The following PIK3CG variants were observed in gnomAD, a reference collection of about 807,000 sequenced individuals.
The protein encoded by PIK3CG is phosphatidylinositol-4,5-bisphosphate 3-kinase catalytic subunit gamma.
Under a neutral mutation model 102.3 loss-of-function variants are expected in PIK3CG, and 55 were observed. The observed-to-expected ratio is 0.54, with a 90% CI of 0.43 to 0.67. The LOEUF (loss-of-function observed/expected upper bound fraction) is 0.67, where lower values mean the gene tolerates loss of function less well. PIK3CG is among the 30% of genes least tolerant of loss of function. PIK3CG has a pLI of 0.00. For missense variants in PIK3CG, 1,258 were observed against 1,391.8 expected, an observed-to-expected ratio of 0.90 and a Z score of 1.53; for synonymous variants, 552 against 540.0, an observed-to-expected ratio of 1.02 and a Z score of -0.31.
At position 106,872,982 on chromosome 7, in the gene PIK3CG, A is replaced by G; in HGVS notation, c.2287+44A>G. The G allele has an allele frequency of 1.5e-6, 2 of 1,300,724 alleles. No homozygotes were observed. The highest frequency in any genetic ancestry group is 2.3e-5 in the East Asian group (1 of 43,376). 80.6% of individuals were successfully genotyped at this position (1,300,724 alleles called of 1,614,324 possible). On this transcript the variant is annotated intron_variant, in intron 4 of 10. Transcript: ENST00000496166. This position sits in a 1 kb window ranked among gnomAD's most constrained non-coding sequence, Gnocchi z 5.3. ...CTGTGTTCTCTTTCCAAATGCCTTC[A>G]TCTCCAAATGCCATTGTTCCTATAA...
rs1791609578 is a variant in PIK3CG, at chr7:106,903,450, A to T, written c.3031-1659A>T. 6.6e-6 allele frequency among the ~76,000 whole-genome samples: 1 copy of T among 151,920 alleles called. No homozygotes were observed. The highest frequency in any genetic ancestry group is 1.5e-5 in the Non-Finnish European group (1 of 67,960). On this transcript the variant is annotated intron_variant, in intron 10 of 10. Coordinates refer to ENST00000496166, the MANE Select transcript of PIK3CG (RefSeq NM_001282426.2). This position sits in a 1 kb window ranked among gnomAD's most constrained non-coding sequence, Gnocchi z 4.3. ...ACTGACTCATTGCTCTTCAGAGATT[A>T]AAGTTTTATAATTTTTTAAGAGTAT...
At position 106,893,103 on chromosome 7, in the gene PIK3CG, A is replaced by G. The variant is rs1791307000; in HGVS notation, c.3030+6811A>G. 4.6e-5 allele frequency among the ~76,000 whole-genome samples: 7 copies of G among 152,032 alleles called. No homozygotes were observed. In the South Asian group the frequency reaches 1.5e-3, roughly 32 times the overall value. On this transcript the variant is annotated intron_variant, in intron 10 of 10. Transcript: ENST00000496166. The surrounding 1 kb of genome is among the most constrained non-coding windows in gnomAD (Gnocchi z 4.4). ...CATTCGATTAATCACAAATAACCAT[A>G]ATTAAGGTCTATTATAGGTCAAGCA... is the stretch of plus-strand genomic sequence containing the variant.
chr7:106,896,721 G>A (rs1340583796), intron 10 of PIK3CG, among the ~76,000 whole-genome samples: 1 of 152,190 alleles, frequency 6.6e-6, no homozygotes, highest in Non-Finnish European at 1.5e-5. Flanking sequence ...AGAGGGGATG[G>A]TAGGCAAGGG....
rs1409642267 is a variant in PIK3CG at position 106,906,837 on chromosome 7, T to TC, written c.*1450_*1451insC. ...GAGGTAGTCCAGACCTTTTCTTTTT[T>TC]TTTTTTTTTTTAATGTGTGCAAAAG... On this transcript the variant is annotated 3_prime_UTR_variant, in exon 11 of 11. Transcript: ENST00000496166. 2 of 227,210 alleles carry TC rather than the reference T, an allele frequency of 8.8e-6. No individual in the cohort carries two copies. Among genetic ancestry groups the TC allele is most frequent in the Non-Finnish European group, 1.7e-5 (2 of 114,856 alleles). 14.1% of individuals were successfully genotyped at this position (227,210 alleles called of 1,614,324 possible).
At chr7:106,870,919 A>C (rs1251899928) in intron 2 of PIK3CG, among the ~76,000 whole-genome samples, 1 of 152,220 alleles carries the variant, frequency 6.6e-6, no homozygotes, top group East Asian at 1.9e-4. Context: ...AAGAATCTTC[A>C]GTTTTCTAGC....
Position 106,905,293 on chromosome 7 carries a change from T to C in PIK3CG, c.3215T>C (p.Ile1072Thr). The part of the protein sequence containing the change: ...EDAKKYFLDQ[I>T]EVCRDKGWTV... ...GCTAAAAAGTATTTTCTTGATCAGA[T>C]CGAAGTTTGCAGAGACAAAGGATGG... The change falls in exon 11 of 11, where the codon ATC (isoleucine) becomes ACC (threonine). Residue 1072 changes from isoleucine to threonine, a missense_variant. Physicochemically the swap from Ile to Thr is moderately conservative, Grantham distance 89. Transcript: ENST00000496166. The surrounding 1 kb of genome is among the most constrained non-coding windows in gnomAD (Gnocchi z 5.6). 1 of 1,614,062 alleles carries C rather than the reference T, an allele frequency of 6.2e-7. No homozygotes were observed. The highest frequency in any genetic ancestry group is 8.5e-7 in the Non-Finnish European group (1 of 1,179,972).
chr7:106,868,290 C>T lies in PIK3CG; in HGVS notation c.729C>T (p.Ala243=), dbSNP rs1790389617. 1 of 1,614,180 alleles carries T rather than the reference C, an allele frequency of 6.2e-7. No individual in the cohort carries two copies. The highest frequency in any genetic ancestry group is 1.3e-5 in the African/African-American group (1 of 75,060). ...TCTCACCCGACGACACCCCCGGCGC[C>T]ATCCTGCAGAGCTTCTTCACCAAGA... ...IKVSPDDTPG[A]ILQSFFTKMA... is the part of the protein sequence containing the mutation. The change falls in exon 2 of 11, where the codon GCC becomes GCT. Residue 243 remains alanine, a synonymous_variant. Transcript: ENST00000496166. This position sits in a 1 kb window ranked among gnomAD's most constrained non-coding sequence, Gnocchi z 6.2.
rs1025009907 is a variant in PIK3CG, at chr7:106,872,446, A to G, written c.1996-91A>G. ...ATCTTTCTAGCCGTGAAGACCCAGTAAAGCAGAGCACCAGTTCTTCTCCAT... is the reference window on the plus strand; with the variant it reads ...ATCTTTCTAGCCGTGAAGACCCAGTGAAGCAGAGCACCAGTTCTTCTCCAT... On this transcript the variant is annotated intron_variant, in intron 2 of 10. Transcript: ENST00000496166. The surrounding 1 kb of genome is among the most constrained non-coding windows in gnomAD (Gnocchi z 5.3). The G allele has an allele frequency of 1.0e-6, 1 of 987,048 alleles. No homozygotes were observed. The highest frequency in any genetic ancestry group is 1.4e-5 in the South Asian group (1 of 73,740). 61.1% of individuals were successfully genotyped at this position (987,048 alleles called of 1,614,324 possible).
At chr7:106,875,359 C>CAAAAAAA (rs35537666) in intron 5 of PIK3CG, among the ~76,000 whole-genome samples, 1 of 126,738 alleles carries the variant, frequency 7.9e-6, no homozygotes, top group Non-Finnish European at 1.6e-5. Flanking sequence ...GACTCCGTCT[C>CAAAAAAA]AAAAAAAAAA....
In PIK3CG at chr7:106,899,191, C is replaced by T. The variant is rs535086770; in HGVS notation, c.3031-5918C>T. Among the ~76,000 whole-genome samples, 52 of 151,944 alleles carry T rather than the reference C, an allele frequency of 3.4e-4. No individual in the cohort carries two copies. Among genetic ancestry groups the T allele is most frequent in the Admixed American group, 9.2e-4 (14 of 15,238 alleles). On this transcript the variant is annotated intron_variant, in intron 10 of 10. Coordinates refer to ENST00000496166, the MANE Select transcript of PIK3CG (RefSeq NM_001282426.2). The surrounding 1 kb of genome is among the most constrained non-coding windows in gnomAD (Gnocchi z 4.6). ...TGGCTGTTGTTGGTGTATAGGAATGCGTGATTTTTTACACTGATTTTGGAT... is the reference window on the plus strand; with the variant it reads ...TGGCTGTTGTTGGTGTATAGGAATGTGTGATTTTTTACACTGATTTTGGAT...
chr7:106,868,686 G>C lies in PIK3CG; in HGVS notation c.1125G>C (p.Arg375=), dbSNP rs2116447073. 6.2e-7 allele frequency: 1 copy of C among 1,614,226 alleles called. No individual in the cohort carries two copies. The highest frequency in any genetic ancestry group is 2.2e-5 in the East Asian group (1 of 44,886). ...GCATTGATATCCCCGTCCTGCCTCGGAACACCGACCTCACAGTTTTTGTAG... is the reference window on the plus strand; with the variant it reads ...GCATTGATATCCCCGTCCTGCCTCGCAACACCGACCTCACAGTTTTTGTAG... ...IRGIDIPVLP[R]NTDLTVFVEA... The change falls in exon 2 of 11, where the codon CGG becomes CGC. Residue 375 remains arginine, a synonymous_variant. Coordinates refer to ENST00000496166, the MANE Select transcript of PIK3CG (RefSeq NM_001282426.2). The surrounding 1 kb of genome is among the most constrained non-coding windows in gnomAD (Gnocchi z 6.2).
rs1025409843 is a variant in PIK3CG at position 106,872,653 on chromosome 7, T to C, written c.2061+51T>C. ...CGTGAAATTTTAAGTTGCCAAGAATTAACTGGTAGACCTAAAGCATTAGTC... is the reference window on the plus strand; with the variant it reads ...CGTGAAATTTTAAGTTGCCAAGAATCAACTGGTAGACCTAAAGCATTAGTC... On this transcript the variant is annotated intron_variant, in intron 3 of 10. Transcript: ENST00000496166. The surrounding 1 kb of genome is among the most constrained non-coding windows in gnomAD (Gnocchi z 5.3). 3.1e-6 allele frequency: 5 copies of C among 1,594,754 alleles called. No homozygotes were observed. The highest frequency in any genetic ancestry group is 4.3e-6 in the Non-Finnish European group (5 of 1,162,396).
Position 106,868,854 on chromosome 7 carries a change from C to T in PIK3CG, c.1293C>T (p.Leu431=), listed in dbSNP as rs1421503985. The part of the protein sequence containing the change: ...KDLPKGALLN[L]QIYCGKAPAL... The stretch of plus-strand genomic sequence containing the variant: ...TGCCCAAAGGGGCTCTACTGAACCT[C>T]CAGATCTACTGCGGTAAAGCTCCAG... Residue 431 remains leucine, a synonymous_variant, in exon 2 of 11, where the codon CTC becomes CTT. Coordinates refer to ENST00000496166, the MANE Select transcript of PIK3CG (RefSeq NM_001282426.2). This position sits in a 1 kb window ranked among gnomAD's most constrained non-coding sequence, Gnocchi z 6.2. 1.2e-6 allele frequency: 2 copies of T among 1,614,094 alleles called. No individual in the cohort carries two copies. Among genetic ancestry groups the T allele is most frequent in the South Asian group, 1.1e-5 (1 of 91,086 alleles).
rs1790901691 is a variant in PIK3CG at position 106,880,512 on chromosome 7, AAG to A, written c.2538+851_2538+852del. On this transcript the variant is annotated intron_variant, in intron 6 of 10. Transcript: ENST00000496166. This position sits in a 1 kb window ranked among gnomAD's most constrained non-coding sequence, Gnocchi z 4.2. ...TCCAGGAGGTATTTTAGAAAAGAAAAAGAGAAATCCTTCAAACTTTTTGCAAG... is the reference window on the plus strand; with the variant it reads ...TCCAGGAGGTATTTTAGAAAAGAAAAAGAAATCCTTCAAACTTTTTGCAAG... Among the ~76,000 whole-genome samples, 1 of 152,182 alleles carries A rather than the reference AAG, an allele frequency of 6.6e-6. No homozygotes were observed. Among genetic ancestry groups the A allele is most frequent in the African/African-American group, 2.4e-5 (1 of 41,446 alleles).
chr7:106,904,302 T>C (rs1406129678), intron 10 of PIK3CG, among the ~76,000 whole-genome samples: 2 of 152,322 alleles, frequency 1.3e-5, no homozygotes, highest in Non-Finnish European at 2.9e-5. Flanking sequence ...ATTTATTATT[T>C]GAAATATATA....
chr7:106,868,398 G>GTACC lies in PIK3CG; in HGVS notation c.839_842dup (p.Val282ProfsTer48). The stretch of plus-strand genomic sequence containing the variant: ...TGCTGCGCGTCTGTGGCCGGGATGA[G>GTACC]TACCTGGTGGGCGAAACGCCCATCA... On this transcript the variant is annotated frameshift_variant, in exon 2 of 11. Transcript: ENST00000496166. LOFTEE classifies it high-confidence loss of function. This position sits in a 1 kb window ranked among gnomAD's most constrained non-coding sequence, Gnocchi z 6.2. 1 of 1,614,252 alleles carries GTACC rather than the reference G, an allele frequency of 6.2e-7. No individual in the cohort carries two copies. Among genetic ancestry groups the GTACC allele is most frequent in the Non-Finnish European group, 8.5e-7 (1 of 1,180,048 alleles).
chr7:106,885,903 TG>T (rs1216915975), intron 9 of PIK3CG, among the ~76,000 whole-genome samples: 1 of 152,220 alleles, frequency 6.6e-6, no homozygotes, highest in Non-Finnish European at 1.5e-5. Context: ...TAGTGGCATC[TG>T]GCTGTCATCT....
intron 10 of PIK3CG, among the ~76,000 whole-genome samples, chr7:106,889,122 T>C (rs1191545854): frequency 2.0e-5 from 3 of 152,154 alleles, no homozygotes; most frequent in Non-Finnish European, 4.4e-5. Flanking sequence ...AGTAGCATGC[T>C]CTGCTTACAG....
At chr7:106,888,205 C>T (rs997826330) in intron 10 of PIK3CG, among the ~76,000 whole-genome samples, 3 of 152,004 alleles carry the variant, frequency 2.0e-5, no homozygotes, top group African/African-American at 7.3e-5. Context: ...TCCCAAAGTG[C>T]TAGGATTACA....
Sources: gnomAD v4.1 joint callset for allele counts (sites outside exome capture counted in the v4.1 genomes callset) on GRCh38, gnomAD v4.1.1 for gene constraint, Gnocchi (gnomAD v3.1) non-coding constraint, MANE v1.5 for transcripts, NCBI Gene and HGNC (gene_info 2026-07-23, HGNC 2026-07-21) for gene names.